EPHB2: variants seen among roughly 807,000 people sequenced by gnomAD.
EPHB2 encodes EPH receptor B2, also known as ephrin type-B receptor 2.
In EPHB2, 18 loss-of-function variants were observed where a neutral mutation model predicts 96.4. The observed-to-expected ratio is 0.19, with a 90% CI of 0.13 to 0.28. EPHB2 has a LOEUF of 0.28. EPHB2 is among the 10% of genes least tolerant of loss of function. EPHB2 has a pLI of 1.00. For missense variants in EPHB2, 989 were observed against 1,355.4 expected, an observed-to-expected ratio of 0.73 and a Z score of 4.25; for synonymous variants, 506 against 534.1, an observed-to-expected ratio of 0.95 and a Z score of 0.72.
Position 22,898,118 on chromosome 1 carries a change from C to CAA in EPHB2, c.1765+1655_1765+1656dup, listed in dbSNP as rs61075593. Among the ~76,000 whole-genome samples the CAA allele has an allele frequency of 7.8e-3, 494 of 63,626 alleles. 3 individuals carry two copies. The highest frequency in any genetic ancestry group is 0.016 in the African/African-American group (433 of 26,344). 41.7% of individuals were successfully genotyped at this position (63,626 alleles called of 152,430 possible). A position where few individuals can be genotyped will look rare whatever the true frequency, so the allele number is the denominator to read the frequency against. Reference sequence around the variant, plus strand: ...TGGGTGACAGAGCAAGACCCAGTCTCAAAAAAAAAAAAAAAACAAAAGAAA... The same window carrying CAA: ...TGGGTGACAGAGCAAGACCCAGTCTCAAAAAAAAAAAAAAAAAACAAAAGAAA... On this transcript the variant is annotated intron_variant, in intron 9 of 15. Coordinates refer to ENST00000374630, the MANE Select transcript of EPHB2 (RefSeq NM_017449.5).
At chr1:22,736,823 G>C (rs1557644252) in intron 1 of EPHB2, among the ~76,000 whole-genome samples, 1 of 152,166 alleles carries the variant, frequency 6.6e-6, no homozygotes, top group Non-Finnish European at 1.5e-5. Flanking sequence ...GAGGATAATG[G>C]AGCTTTGGGC....
intron 1 of EPHB2, among the ~76,000 whole-genome samples, chr1:22,772,562 G>C (rs967586661): frequency 6.6e-6 from 1 of 152,192 alleles, no homozygotes; most frequent in East Asian, 1.9e-4. Context: ...GGAGCTAGTC[G>C]GGGGCTTCTC....
rs147170477 is a variant in EPHB2, at chr1:22,893,996, G to A, written c.1591+950G>A. Among the ~76,000 whole-genome samples the A allele has an allele frequency of 7.1e-3, 1,081 of 152,288 alleles. 15 individuals are homozygous for A. Among genetic ancestry groups the A allele is most frequent in the African/African-American group, 0.024 (1,003 of 41,548 alleles). ...GGCCTTTGCCTGGTTGAACATTTCA[G>A]AGGCTCCTGGACTCCTAAATTCTTG... On this transcript the variant is annotated intron_variant, in intron 7 of 15. Coordinates refer to ENST00000374630, the MANE Select transcript of EPHB2 (RefSeq NM_017449.5).
rs1643119350 is a variant in EPHB2 at position 22,710,941 on chromosome 1, GGCCCCGCGGCGCCGC to G, written c.-40_-26del. ...CGCGCGCTCCCGCCCGGGCCGTCCG[GGCCCCGCGGCGCCGC>G]GGCCCGAGGCCCCGGGAAGCGCAGC... is the stretch of plus-strand genomic sequence containing the variant. On this transcript the variant is annotated 5_prime_UTR_variant, in exon 1 of 16. Transcript: ENST00000374630. 1 of 150,934 alleles carries G rather than the reference GGCCCCGCGGCGCCGC, an allele frequency of 6.6e-6. No individual in the cohort carries two copies. Among genetic ancestry groups the G allele is most frequent in the Non-Finnish European group, 1.5e-5 (1 of 67,938 alleles). 9.3% of individuals were successfully genotyped at this position (150,934 alleles called of 1,614,324 possible).
rs1386838933 is a variant in EPHB2, at chr1:22,906,971, A to C, written c.2136+14A>C. 1 of 1,601,554 alleles carries C rather than the reference A, an allele frequency of 6.2e-7. No individual in the cohort carries two copies. The highest frequency in any genetic ancestry group is 8.5e-7 in the Non-Finnish European group (1 of 1,171,824). On this transcript the variant is annotated intron_variant, in intron 11 of 15. Coordinates refer to ENST00000374630, the MANE Select transcript of EPHB2 (RefSeq NM_017449.5). This position sits in a 1 kb window ranked among gnomAD's most constrained non-coding sequence, Gnocchi z 4.8. Reference sequence around the variant, plus strand: ...TCCTTTCTCCGGGTAGGGGAAGCCAAGAGGGCCAGGGGCCCATGAATGGGG... The same window carrying C: ...TCCTTTCTCCGGGTAGGGGAAGCCACGAGGGCCAGGGGCCCATGAATGGGG...
chr1:22,870,297 C>G (rs976149475), intron 5 of EPHB2, among the ~76,000 whole-genome samples: 5 of 152,132 alleles, frequency 3.3e-5, no homozygotes, highest in African/African-American at 1.2e-4. Context: ...GCCTCATATT[C>G]ATGAGTCGTG....
chr1:22,824,493 G>A (rs1418555897), intron 3 of EPHB2, among the ~76,000 whole-genome samples: 1 of 152,144 alleles, frequency 6.6e-6, no homozygotes, highest in Non-Finnish European at 1.5e-5. Flanking sequence ...GGGTCTCTCT[G>A]GCGGTGCCAA....
intron 3 of EPHB2, among the ~76,000 whole-genome samples, chr1:22,828,369 G>A (rs1314127590): frequency 2.0e-5 from 3 of 152,092 alleles, no homozygotes; most frequent in Non-Finnish European, 4.4e-5. Context: ...CGAGGCATCC[G>A]GGCCCCTCCA....
chr1:22,807,158 C>T (rs1387502894), intron 3 of EPHB2, among the ~76,000 whole-genome samples: 1 of 152,210 alleles, frequency 6.6e-6, no homozygotes, highest in African/African-American at 2.4e-5. Context: ...TCCTCTGCTC[C>T]TCTGGGCCTG....
chr1:22,906,874 C>T lies in EPHB2; in HGVS notation c.2053C>T (p.Leu685=), dbSNP rs763859817. ...GQFDHPNVIH[L]EGVVTKSTPV... is the part of the protein sequence containing the mutation. The stretch of plus-strand genomic sequence containing the variant: ...GTTCGACCATCCCAACGTCATCCAC[C>T]TGGAGGGTGTCGTGACCAAGAGCAC... Residue 685 remains leucine (L), a synonymous_variant, in exon 11 of 16, where the codon CTG becomes TTG. Transcript: ENST00000374630. This position sits in a 1 kb window ranked among gnomAD's most constrained non-coding sequence, Gnocchi z 4.8. The T allele has an allele frequency of 8.7e-6, 14 of 1,614,116 alleles. No individual in the cohort carries two copies. In the East Asian group the frequency reaches 2.0e-4, roughly 23 times the overall value.
intron 1 of EPHB2, among the ~76,000 whole-genome samples, chr1:22,736,904 C>T (rs935377751): frequency 5.9e-5 from 9 of 152,098 alleles, no homozygotes; most frequent in Admixed American, 2.6e-4. Context: ...TGGGGGAGAC[C>T]GATTGGCTCG....
intron 1 of EPHB2, among the ~76,000 whole-genome samples, chr1:22,741,059 G>T (rs893454103): frequency 3.3e-5 from 5 of 152,040 alleles, no homozygotes; most frequent in Non-Finnish European, 5.9e-5. Flanking sequence ...CCTGTCCCCA[G>T]GTCTCCCCTG....
In EPHB2 at chr1:22,799,475, T is replaced by C. The variant is rs1039577398; in HGVS notation, c.811+14399T>C. Among the ~76,000 whole-genome samples the C allele has an allele frequency of 2.6e-5, 4 of 152,110 alleles. 1 individual carries two copies. Among genetic ancestry groups the C allele is most frequent in the Non-Finnish European group, 1.5e-5 (1 of 67,992 alleles). ...TCTCTAAAATGGGTTCAGTAATAAA[T>C]GGAATATGACAGAGCAAGTTGTGAA... On this transcript the variant is annotated intron_variant, in intron 3 of 15. Transcript: ENST00000374630.
Position 22,768,439 on chromosome 1 carries a change from C to T in EPHB2, c.62-12982C>T, listed in dbSNP as rs188421676. Reference sequence around the variant, plus strand: ...CAGTGGCTCACACCTGTAATCCCAGCACTTTGGGAGGCCGAGGTGGGAGGA... The same window carrying T: ...CAGTGGCTCACACCTGTAATCCCAGTACTTTGGGAGGCCGAGGTGGGAGGA... On this transcript the variant is annotated intron_variant, in intron 1 of 15. Coordinates refer to ENST00000374630, the MANE Select transcript of EPHB2 (RefSeq NM_017449.5). Among the ~76,000 whole-genome samples the T allele has an allele frequency of 2.4e-3, 368 of 152,268 alleles. 2 individuals are homozygous for T. Among genetic ancestry groups the T allele is most frequent in the African/African-American group, 8.3e-3 (344 of 41,546 alleles).
chr1:22,863,822 T>A (rs924847336), intron 4 of EPHB2, among the ~76,000 whole-genome samples: 5 of 152,204 alleles, frequency 3.3e-5, no homozygotes, highest in Non-Finnish European at 7.3e-5. Flanking sequence ...TGGGCTCAGG[T>A]GCCCTCAGCC....
intron 6 of EPHB2, chr1:22,882,942 C>T (rs1001870341): frequency 8.4e-6 from 2 of 238,020 alleles, no homozygotes; most frequent in East Asian, 1.1e-4. Flanking sequence ...CACTTTCACT[C>T]GCCTGCATGC....
chr1:22,824,626 C>T (rs1645197752), intron 3 of EPHB2, among the ~76,000 whole-genome samples: 1 of 152,198 alleles, frequency 6.6e-6, no homozygotes, highest in Non-Finnish European at 1.5e-5. Context: ...TTACTCAGCT[C>T]CAGAATGAAG....
At chr1:22,890,914 G>A (rs552969389) in intron 6 of EPHB2, among the ~76,000 whole-genome samples, 208 of 152,288 alleles carry the variant, frequency 1.4e-3, no homozygotes, top group Non-Finnish European at 2.2e-3. Context: ...GAGGAACTGT[G>A]GGTCAATTTC....
At chr1:22,789,714 A>C (rs1030972547) in intron 3 of EPHB2, among the ~76,000 whole-genome samples, 1 of 152,238 alleles carries the variant, frequency 6.6e-6, no homozygotes, top group African/African-American at 2.4e-5. Flanking sequence ...GAGTGGGTGG[A>C]TAGGAGAAGA....
Sources: allele counts gnomAD v4.1 joint callset (sites outside exome capture counted in the v4.1 genomes callset), GRCh38; gene constraint gnomAD v4.1.1; non-coding constraint Gnocchi (gnomAD v3.1); transcripts MANE v1.5; gene names NCBI Gene and HGNC (gene_info 2026-07-23, HGNC 2026-07-21).